The following GPC5 variants were observed in gnomAD, a reference collection of about 807,000 sequenced individuals.
GPC5 encodes the protein glypican-5.
A neutral mutation model predicts 53.9 loss-of-function variants in GPC5; 47 were observed. That is an observed-to-expected ratio of 0.87 (90% CI 0.69 to 1.11). The LOEUF is 1.11. Ranked by LOEUF, GPC5 falls within the 50% of genes most tolerant of loss-of-function variation. The pLI is 0.00. For missense variants in GPC5, 748 were observed against 713.1 expected, an observed-to-expected ratio of 1.05 and a Z score of -0.56; for synonymous variants, 286 against 263.3, an observed-to-expected ratio of 1.09 and a Z score of -0.84.
intron 3 of GPC5, among the ~76,000 whole-genome samples, chr13:91,726,988 C>T (rs2036588943): frequency 6.6e-6 from 1 of 152,124 alleles, no homozygotes; most frequent in Non-Finnish European, 1.5e-5. Context: ...CTTGCTACAC[C>T]CATTTCTCAC....
At chr13:92,603,517 G>A (rs966913639) in intron 7 of GPC5, among the ~76,000 whole-genome samples, 7 of 152,122 alleles carry the variant, frequency 4.6e-5, no homozygotes, top group African/African-American at 1.7e-4. Context: ...TTATAGCTGA[G>A]GTTTCAATGA....
intron 2 of GPC5, among the ~76,000 whole-genome samples, chr13:91,484,331 T>C (rs1340944027): frequency 6.6e-6 from 1 of 152,192 alleles, no homozygotes; most frequent in Non-Finnish European, 1.5e-5. Flanking sequence ...GTCTACCTGA[T>C]AGGATTATTG....
intron 2 of GPC5, among the ~76,000 whole-genome samples, chr13:91,568,490 G>A (rs1045983507): frequency 1.3e-5 from 2 of 151,610 alleles, no homozygotes; most frequent in Admixed American, 6.6e-5. Context: ...AGCTGGGTCT[G>A]TAGGAAGATT....
chr13:92,305,592 GA>G (rs1281017618), intron 7 of GPC5, among the ~76,000 whole-genome samples: 5 of 151,730 alleles, frequency 3.3e-5, no homozygotes, highest in African/African-American at 7.3e-5. Context: ...AGAACATCAT[GA>G]AAAAAAATTC....
chr13:92,623,779 G>A (rs1884954551), intron 7 of GPC5, among the ~76,000 whole-genome samples: 1 of 151,798 alleles, frequency 6.6e-6, no homozygotes, highest in Non-Finnish European at 1.5e-5. Flanking sequence ...AGTTGCTTCT[G>A]AGCATAGTAA....
In GPC5 at chr13:92,385,429, C is replaced by CAT. The variant is rs1275760317; in HGVS notation, c.1561+240446_1561+240447dup. Among the ~76,000 whole-genome samples, 383 of 77,054 alleles carry CAT rather than the reference C, an allele frequency of 5.0e-3. 5 individuals carry two copies. Among genetic ancestry groups the CAT allele is most frequent in the Non-Finnish European group, 7.9e-3 (295 of 37,272 alleles). 50.6% of individuals were successfully genotyped at this position (77,054 alleles called of 152,430 possible). ...ATATACACATATATATACATATATA[C>CAT]ATATATACATATATACATATATACA... On this transcript the variant is annotated intron_variant, in intron 7 of 7. Coordinates refer to ENST00000377067, the MANE Select transcript of GPC5 (RefSeq NM_004466.6).
At chr13:92,722,629 A>G (rs1385206197) in intron 7 of GPC5, among the ~76,000 whole-genome samples, 4 of 151,760 alleles carry the variant, frequency 2.6e-5, no homozygotes, top group Admixed American at 2.0e-4. Context: ...TTGCAAGACA[A>G]GTTTTGGATT....
At chr13:92,570,558 T>A (rs2139040313) in intron 7 of GPC5, among the ~76,000 whole-genome samples, 1 of 152,232 alleles carries the variant, frequency 6.6e-6, no homozygotes, top group Non-Finnish European at 1.5e-5. Context: ...TACAAATAAA[T>A]TTTCTGATTT....
chr13:92,571,206 G>A (rs1883011379), intron 7 of GPC5, among the ~76,000 whole-genome samples: 1 of 152,182 alleles, frequency 6.6e-6, no homozygotes, highest in African/African-American at 2.4e-5. Flanking sequence ...AGAATAATTA[G>A]ACTCATATCT....
intron 7 of GPC5, among the ~76,000 whole-genome samples, chr13:92,228,052 A>G (rs947881981): frequency 6.6e-6 from 1 of 151,946 alleles, no homozygotes. Context: ...CGTCATAAAG[A>G]TCTTCATCCT....
chr13:91,595,390 A>G (rs1483569596), intron 2 of GPC5, among the ~76,000 whole-genome samples: 2 of 152,196 alleles, frequency 1.3e-5, no homozygotes, highest in Non-Finnish European at 2.9e-5. Context: ...AAGCTGGCTC[A>G]TCACAAATTT....
intron 7 of GPC5, among the ~76,000 whole-genome samples, chr13:92,612,227 C>A (rs1378482808): frequency 6.6e-6 from 1 of 152,054 alleles, no homozygotes; most frequent in Non-Finnish European, 1.5e-5. Context: ...TACCTAATTT[C>A]AATATTTATT....
chr13:92,613,258 A>AT (rs1491220512), intron 7 of GPC5, among the ~76,000 whole-genome samples: 1 of 127,510 alleles, frequency 7.8e-6, no homozygotes, highest in Non-Finnish European at 1.6e-5. Context: ...ATTTATATAT[A>AT]ATATATATAT....
At chr13:92,762,484 C>T (rs1379619169) in intron 7 of GPC5, among the ~76,000 whole-genome samples, 1 of 152,090 alleles carries the variant, frequency 6.6e-6, no homozygotes, top group Non-Finnish European at 1.5e-5. Flanking sequence ...TGACTCGTTG[C>T]TTTTCTCTCA....
intron 7 of GPC5, among the ~76,000 whole-genome samples, chr13:92,536,136 C>A (rs1045266529): frequency 6.6e-6 from 1 of 152,028 alleles, no homozygotes; most frequent in Non-Finnish European, 1.5e-5. Flanking sequence ...TAATGTGCAT[C>A]GTCTCTAAGC....
chr13:92,243,352 A>T (rs753648686), intron 7 of GPC5, among the ~76,000 whole-genome samples: 1 of 152,140 alleles, frequency 6.6e-6, no homozygotes, highest in Non-Finnish European at 1.5e-5. Context: ...CTGCAGTATA[A>T]GTAATTTGTA....
chr13:92,172,748 T>C (rs2042079526), intron 7 of GPC5, among the ~76,000 whole-genome samples: 1 of 152,058 alleles, frequency 6.6e-6, no homozygotes, highest in Non-Finnish European at 1.5e-5. Context: ...TTTGAAAAGG[T>C]TTACTCACTG....
intron 6 of GPC5, among the ~76,000 whole-genome samples, chr13:92,079,086 T>A (rs1222169756): frequency 6.6e-6 from 1 of 152,034 alleles, no homozygotes. Flanking sequence ...AATTTCACTC[T>A]TGTTGCCCAG....
chr13:92,304,104 G>C (rs2043093905), intron 7 of GPC5, among the ~76,000 whole-genome samples: 1 of 151,988 alleles, frequency 6.6e-6, no homozygotes, highest in South Asian at 2.1e-4. Context: ...ATGGTTGGCT[G>C]TATATGGTGA....
Sources: gnomAD v4.1 joint callset for allele counts (sites outside exome capture counted in the v4.1 genomes callset) on GRCh38, gnomAD v4.1.1 for gene constraint, MANE v1.5 for transcripts, NCBI Gene and HGNC (gene_info 2026-07-23, HGNC 2026-07-21) for gene names.